FSAF1: variants seen among roughly 807,000 people sequenced by gnomAD.
FSAF1 encodes the protein uncharacterized protein C1orf131.
At chr1:231,232,790 A>T in the FSAF1 span, among the ~76,000 whole-genome samples, 1 of 152,206 alleles carries the variant, frequency 6.6e-6, no homozygotes, top group South Asian at 2.1e-4. Context: ...AAACCCGTCT[A>T]TGGGGTGATT....
the FSAF1 span, among the ~76,000 whole-genome samples, chr1:231,233,639 G>A: frequency 2.0e-5 from 3 of 152,002 alleles, no homozygotes; most frequent in African/African-American, 4.8e-5. Context: ...TGCAAACTCC[G>A]CCTACCGGGT....
chr1:231,229,003 T>A, the FSAF1 span: 3 of 501,556 alleles, frequency 6.0e-6, no homozygotes, highest in Non-Finnish European at 1.0e-5. Context: ...ATAAAAACTG[T>A]TAATTTTTAT....
the FSAF1 span, among the ~76,000 whole-genome samples, chr1:231,230,495 A>T: frequency 6.6e-6 from 1 of 152,160 alleles, no homozygotes; most frequent in Admixed American, 6.5e-5. Context: ...GTGACTCTTT[A>T]TATCACCCTA....
chr1:231,227,125 A>G, the FSAF1 span: 1 of 1,542,528 alleles, frequency 6.5e-7, no homozygotes, highest in Non-Finnish European at 9.0e-7. Context: ...CAAAGAAAAA[A>G]ACATACTGCC....
At chr1:231,233,656 G>A in the FSAF1 span, among the ~76,000 whole-genome samples, 261 of 152,166 alleles carry the variant, frequency 1.7e-3, 1 homozygote, top group African/African-American at 5.9e-3. Context: ...GGGTTCAAGC[G>A]ATTCTCCTGC....
chr1:231,224,020 G>C, the FSAF1 span: 1 of 352,256 alleles, frequency 2.8e-6, no homozygotes, highest in Non-Finnish European at 5.1e-6. Flanking sequence ...AAACAGGAGT[G>C]AAGTTTGCTG....
the FSAF1 span, chr1:231,225,015 G>C: frequency 5.9e-6 from 1 of 170,802 alleles, no homozygotes; most frequent in Non-Finnish European, 1.3e-5. Flanking sequence ...AAGACAAAAA[G>C]AGTCCATTCT....
At chr1:231,239,520 C>T in the FSAF1 span, among the ~76,000 whole-genome samples, 1 of 152,226 alleles carries the variant, frequency 6.6e-6, no homozygotes, top group Non-Finnish European at 1.5e-5. Flanking sequence ...ATATCAGGCA[C>T]TGCAGCCACT....
chr1:231,226,915 C>T, the FSAF1 span: 5 of 1,607,360 alleles, frequency 3.1e-6, no homozygotes, highest in Non-Finnish European at 4.3e-6. Context: ...CTTAGCTTTC[C>T]TTGCTCTTGC....
chr1:231,225,765 G>A, the FSAF1 span: 1 of 498,562 alleles, frequency 2.0e-6, no homozygotes, highest in Non-Finnish European at 3.6e-6. Flanking sequence ...AAGGGGGGAG[G>A]ATCACTTGAT....
chr1:231,224,516 G>C, the FSAF1 span: 4 of 1,236,616 alleles, frequency 3.2e-6, no homozygotes, highest in Non-Finnish European at 4.4e-6. Flanking sequence ...GCAAACTCCT[G>C]GTCGCCTGCC....
the FSAF1 span, among the ~76,000 whole-genome samples, chr1:231,229,857 T>C: frequency 1.3e-5 from 2 of 152,166 alleles, no homozygotes; most frequent in South Asian, 4.2e-4. Flanking sequence ...GGAGCTGGTG[T>C]TTAATGGGTA....
At chr1:231,232,488 G>A in the FSAF1 span, among the ~76,000 whole-genome samples, 7 of 152,310 alleles carry the variant, frequency 4.6e-5, no homozygotes, top group Non-Finnish European at 7.3e-5. Flanking sequence ...CCCTAGGTGA[G>A]GATGGTGTGG....
the FSAF1 span, among the ~76,000 whole-genome samples, chr1:231,239,470 G>A: frequency 6.6e-6 from 1 of 152,166 alleles, no homozygotes; most frequent in Non-Finnish European, 1.5e-5. Context: ...CACAGCAATA[G>A]TCCCCAGGGC....
At chr1:231,241,062 G>C in the FSAF1 span, 25 of 1,614,086 alleles carry the variant, frequency 1.5e-5, 1 homozygote, top group South Asian at 1.6e-4. Context: ...GTCAAGAAGT[G>C]TCGGAGAACT....
chr1:231,228,234 T>C, the FSAF1 span, among the ~76,000 whole-genome samples: 2 of 152,206 alleles, frequency 1.3e-5, no homozygotes, highest in African/African-American at 2.4e-5. Flanking sequence ...CATATCCCCA[T>C]ACTTACCATC....
chr1:231,235,225 A>G, the FSAF1 span, among the ~76,000 whole-genome samples: 5 of 152,306 alleles, frequency 3.3e-5, no homozygotes, highest in Non-Finnish European at 5.9e-5. Context: ...CATGGGCCGG[A>G]CGCAGTGGCT....
the FSAF1 span, chr1:231,240,881 T>C: frequency 1.3e-6 from 1 of 745,788 alleles, no homozygotes; most frequent in Admixed American, 2.2e-5. This position sits in a 1 kb window ranked among gnomAD's most constrained non-coding sequence, Gnocchi z 4.1. Flanking sequence ...ATGTGTTCGC[T>C]ACTGGAACCA....
the FSAF1 span, chr1:231,239,261 T>A: frequency 1.5e-6 from 2 of 1,327,562 alleles, no homozygotes; most frequent in South Asian, 3.0e-5. Context: ...ATCCTACGAA[T>A]GTATTTGTAC....
Sources: gnomAD v4.1 joint callset for allele counts (sites outside exome capture counted in the v4.1 genomes callset) on GRCh38, gnomAD v4.1.1 for gene constraint, Gnocchi (gnomAD v3.1) non-coding constraint, MANE v1.5 for transcripts, NCBI Gene and HGNC (gene_info 2026-07-23, HGNC 2026-07-21) for gene names.